Variants in ABHD17B observed in about 807,000 individuals in gnomAD.
ABHD17B encodes the protein alpha/beta hydrolase domain-containing protein 17B.
A neutral mutation model predicts 26.2 loss-of-function variants in ABHD17B; 9 were observed. The ratio of observed to expected loss-of-function variants is 0.34; its 90% CI spans 0.21 to 0.60. ABHD17B has a LOEUF of 0.60. ABHD17B is among the 20% of genes least tolerant of loss of function. The probability of loss-of-function intolerance (pLI) is 0.80; values close to 1 mark genes in which losing one functional copy is unlikely to be tolerated. For synonymous variants in ABHD17B, 127 were observed against 122.3 expected (o/e 1.04, Z -0.25); for missense variants, 224 against 352.1 (o/e 0.64, Z 2.91).
At chr9:71,909,846 T>C (rs1353490351) in intron 1 of ABHD17B, among the ~76,000 whole-genome samples, 2 of 151,946 alleles carry the variant, frequency 1.3e-5, no homozygotes, top group African/African-American at 2.4e-5. Flanking sequence ...TTGGCAGAGA[T>C]CTCACCAAAG....
intron 1 of ABHD17B, among the ~76,000 whole-genome samples, chr9:71,891,101 CA>C (rs1826767744): frequency 6.6e-6 from 1 of 152,158 alleles, no homozygotes; most frequent in African/African-American, 2.4e-5. Context: ...ACACTTACAG[CA>C]AACTAGGTCT....
chr9:71,862,954 C>T (rs533552214), downstream of ABHD17B, among the ~76,000 whole-genome samples: 107 of 151,932 alleles, frequency 7.0e-4, no homozygotes, highest in Middle Eastern at 0.017. Flanking sequence ...TTCATTTTCA[C>T]TTATGAAGCT....
At chr9:71,892,307 C>T (rs1031291740) in intron 1 of ABHD17B, among the ~76,000 whole-genome samples, 2 of 151,818 alleles carry the variant, frequency 1.3e-5, no homozygotes, top group Admixed American at 6.6e-5. Flanking sequence ...TCGAGGTGGG[C>T]GAATCACGAG....
chr9:71,879,695 C>T (rs562784573), intron 1 of ABHD17B, among the ~76,000 whole-genome samples: 1 of 152,292 alleles, frequency 6.6e-6, no homozygotes, highest in Non-Finnish European at 1.5e-5. Flanking sequence ...GAAAAGGCTT[C>T]CACTACTACT....
intron 3 of ABHD17B, among the ~76,000 whole-genome samples, chr9:71,869,252 T>G (rs946188440): frequency 6.6e-6 from 1 of 152,234 alleles, no homozygotes; most frequent in Non-Finnish European, 1.5e-5. Flanking sequence ...CTTTCCCTAC[T>G]AAAGTGATCC....
chr9:71,883,041 G>T (rs1826495745), intron 1 of ABHD17B, among the ~76,000 whole-genome samples: 1 of 151,978 alleles, frequency 6.6e-6, no homozygotes, highest in Admixed American at 6.6e-5. Flanking sequence ...CTACTCAGAG[G>T]CTGAGGCAGG....
chr9:71,897,804 T>C (rs911399278), intron 1 of ABHD17B, among the ~76,000 whole-genome samples: 3 of 152,194 alleles, frequency 2.0e-5, no homozygotes, highest in African/African-American at 7.2e-5. Flanking sequence ...TCTCTACCAC[T>C]TCCTTTTCCT....
chr9:71,873,189 T>C (rs952407869), intron 2 of ABHD17B, among the ~76,000 whole-genome samples: 1 of 152,048 alleles, frequency 6.6e-6, no homozygotes, highest in African/African-American at 2.4e-5. Context: ...AAGAATAGCC[T>C]ATATTAAGGT....
At chr9:71,863,992 T>A (rs181407164), downstream of ABHD17B, among the ~76,000 whole-genome samples, 4 of 152,168 alleles carry the variant, frequency 2.6e-5, no homozygotes, top group African/African-American at 7.2e-5. Flanking sequence ...TTTCCCATGA[T>A]GTATTTTTCA....
chr9:71,870,280 TA>T lies in ABHD17B; in HGVS notation c.468-19del. 6.5e-7 allele frequency: 1 copy of T among 1,548,402 alleles called. No homozygotes were observed. Among genetic ancestry groups the T allele is most frequent in the Non-Finnish European group, 8.7e-7 (1 of 1,150,634 alleles). Reference sequence around the variant, plus strand: ...TGCCATATCTACAAAGTTCAGGCGTTAAAAACAAAAACCAAAAAAGTTGGAG... The same window carrying T: ...TGCCATATCTACAAAGTTCAGGCGTTAAAACAAAAACCAAAAAAGTTGGAG... On this transcript the variant is annotated intron_variant, in intron 2 of 3. Transcript: ENST00000333421.
intron 3 of ABHD17B, among the ~76,000 whole-genome samples, chr9:71,867,423 A>C (rs960192898): frequency 2.0e-5 from 3 of 152,212 alleles, no homozygotes; most frequent in Admixed American, 2.0e-4. Flanking sequence ...AAAATGTTTT[A>C]TGTTTTTGTT....
At chr9:71,895,886 T>C (rs1177729155) in intron 1 of ABHD17B, among the ~76,000 whole-genome samples, 2 of 152,164 alleles carry the variant, frequency 1.3e-5, no homozygotes, top group Non-Finnish European at 1.5e-5. Context: ...CTGTGGTTCA[T>C]GGAAAACTCC....
At chr9:71,885,842 T>A (rs184505334) in intron 1 of ABHD17B, among the ~76,000 whole-genome samples, 1 of 152,300 alleles carries the variant, frequency 6.6e-6, no homozygotes, top group African/African-American at 2.4e-5. Context: ...CTCCTTGTAA[T>A]AGTTTCTTGG....
chr9:71,889,229 A>T (rs1449804330), intron 1 of ABHD17B, among the ~76,000 whole-genome samples: 1 of 151,842 alleles, frequency 6.6e-6, no homozygotes, highest in Non-Finnish European at 1.5e-5. Flanking sequence ...AGGCAGGTGA[A>T]TCACTTGAAC....
chr9:71,871,959 T>C (rs950746054), intron 2 of ABHD17B, among the ~76,000 whole-genome samples: 7 of 152,212 alleles, frequency 4.6e-5, no homozygotes, highest in African/African-American at 1.4e-4. Context: ...AAAAAGGACA[T>C]TCCAATGTTC....
intron 1 of ABHD17B, among the ~76,000 whole-genome samples, chr9:71,893,879 G>C (rs1276949886): frequency 6.6e-6 from 1 of 152,122 alleles, no homozygotes; most frequent in East Asian, 1.9e-4. Flanking sequence ...CACAAGGTCA[G>C]GAGATGGAGA....
rs1302774821 is a variant in ABHD17B at position 71,896,962 on chromosome 9, A to AG, written c.-4+13671dup. Among the ~76,000 whole-genome samples the AG allele has an allele frequency of 1.6e-4, 25 of 152,352 alleles. No homozygotes were observed. The East Asian group carries it at 4.6e-3, about 28-fold the overall frequency. On this transcript the variant is annotated intron_variant, in intron 1 of 3. Coordinates refer to ENST00000333421, the MANE Select transcript of ABHD17B (RefSeq NM_001025780.3). Reference sequence around the variant, plus strand: ...ACAAAACCTCTTAGAATAAGGGTTAAGATGTTCAGTGGTGGGTGCCCAAGA... The same window carrying AG: ...ACAAAACCTCTTAGAATAAGGGTTAAGGATGTTCAGTGGTGGGTGCCCAAGA...
rs1826226978 is a variant in ABHD17B at position 71,875,087 on chromosome 9, AAAAAG to A, written c.-3-9_-3-5del. On this transcript the variant is annotated splice_region_variant and splice_polypyrimidine_tract_variant and intron_variant, in intron 1 of 3. Transcript: ENST00000333421. ...TAAATGAAAGATTATTCATGCTCTG[AAAAAG>A]AAAAGGAGATAGCAAATATTTTAAT... The A allele has an allele frequency of 1.3e-6, 2 of 1,595,700 alleles. No individual in the cohort carries two copies. Among genetic ancestry groups the A allele is most frequent in the South Asian group, 1.1e-5 (1 of 90,654 alleles).
rs148175124 is a variant in ABHD17B at position 71,867,361 on chromosome 9, A to G, written c.648-355T>C. On this transcript the variant is annotated intron_variant, in intron 3 of 3. Coordinates refer to ENST00000333421, the MANE Select transcript of ABHD17B (RefSeq NM_001025780.3). The stretch of plus-strand genomic sequence containing the variant: ...ACCATTTCAAGTATGCGCTAATTTC[A>G]CTTTCTGCACTCACTATATTCTTTC... Among the ~76,000 whole-genome samples the G allele has an allele frequency of 3.5e-3, 532 of 152,300 alleles. 3 individuals are homozygous for G. Among genetic ancestry groups the G allele is most frequent in the African/African-American group, 0.012 (505 of 41,566 alleles).
Sources: allele counts gnomAD v4.1 joint callset (sites outside exome capture counted in the v4.1 genomes callset), GRCh38; gene constraint gnomAD v4.1.1; transcripts MANE v1.5; gene names NCBI Gene and HGNC (gene_info 2026-07-23, HGNC 2026-07-21).